Variants in NAV3 observed in about 807,000 individuals in gnomAD.
NAV3 encodes the protein neuron navigator 3.
NAV3 carries 87 observed loss-of-function variants against 244.7 expected under a neutral mutation model. The ratio of observed to expected loss-of-function variants is 0.36; its 90% CI spans 0.30 to 0.42. NAV3 has a LOEUF of 0.42. Among genes scored for constraint, NAV3 ranks in the 20% least tolerant of loss-of-function variants. NAV3 has a pLI of 1.00. For synonymous variants in NAV3, 1,126 were observed against 1,042.2 expected (o/e 1.08, Z -1.55); for missense variants, 2,663 against 2,893.3 (o/e 0.92, Z 1.83).
chr12:78,048,331 T>C (rs1882186220), intron 9 of NAV3, among the ~76,000 whole-genome samples: 1 of 152,238 alleles, frequency 6.6e-6, no homozygotes, highest in South Asian at 2.1e-4. Context: ...TTGCACTGTT[T>C]TTTTTCTCAT....
intron 2 of NAV3, among the ~76,000 whole-genome samples, chr12:77,663,519 C>A (rs1873565534): frequency 7.0e-6 from 1 of 141,874 alleles, no homozygotes; most frequent in Non-Finnish European, 1.5e-5. Context: ...TCTTCTTCTT[C>A]TTCTTTTTTT....
chr12:77,890,402 C>A (rs1883794257), intron 1 of NAV3, among the ~76,000 whole-genome samples: 1 of 152,170 alleles, frequency 6.6e-6, no homozygotes, highest in Admixed American at 6.5e-5. Flanking sequence ...AGGCATGAAC[C>A]ACTGTACCAG....
chr12:77,779,469 C>T (rs926198773), intron 2 of NAV3, among the ~76,000 whole-genome samples: 33 of 152,186 alleles, frequency 2.2e-4, no homozygotes, highest in African/African-American at 7.0e-4. Flanking sequence ...TGTTGTACAA[C>T]TCCATGAAGT....
chr12:77,882,341 A>G (rs1180463888), intron 1 of NAV3, among the ~76,000 whole-genome samples: 2 of 152,096 alleles, frequency 1.3e-5, no homozygotes, highest in African/African-American at 4.8e-5. Context: ...AGGACTCTCT[A>G]TTTCAATAAA....
intron 2 of NAV3, among the ~76,000 whole-genome samples, chr12:77,644,448 T>G (rs144405107): frequency 6.6e-6 from 1 of 151,756 alleles, no homozygotes; most frequent in Non-Finnish European, 1.5e-5. Flanking sequence ...ACAGAAGGAG[T>G]GCACAGAATT....
intron 2 of NAV3, among the ~76,000 whole-genome samples, chr12:77,757,472 T>C (rs1328624768): frequency 6.6e-6 from 1 of 152,228 alleles, no homozygotes; most frequent in East Asian, 1.9e-4. Context: ...CTTAAACATA[T>C]ATTGAGTATA....
At chr12:77,604,236 G>A (rs954672382) in intron 2 of NAV3, among the ~76,000 whole-genome samples, 1 of 152,038 alleles carries the variant, frequency 6.6e-6, no homozygotes, top group Non-Finnish European at 1.5e-5. Context: ...GCAGTTTCAA[G>A]CATTCAGGAC....
At chr12:78,051,246 C>T (rs761614918) in intron 11 of NAV3, 99 bp downstream of exon 11, 43 of 1,352,476 alleles carry the variant, frequency 3.2e-5, no homozygotes, top group South Asian at 4.1e-5. Context: ...CCCAGAAAGT[C>T]ATGAGAACAT....
At chr12:78,179,362 T>C in intron 28 of NAV3, 167 bp from the exon 29 acceptor site, 1 of 628,730 alleles carries the variant, frequency 1.6e-6, no homozygotes, top group East Asian at 3.0e-5. Context: ...AACCTGTGAA[T>C]GCATAACCGT....
intron 2 of NAV3, among the ~76,000 whole-genome samples, chr12:77,602,385 C>T (rs1870475460): frequency 6.6e-6 from 1 of 151,876 alleles, no homozygotes; most frequent in Non-Finnish European, 1.5e-5. Context: ...ATAATGAGTT[C>T]CATTTTAGAT....
intron 1 of NAV3, among the ~76,000 whole-genome samples, chr12:77,893,714 C>G (rs1884233114): frequency 6.6e-6 from 1 of 152,064 alleles, no homozygotes; most frequent in Admixed American, 6.6e-5. Flanking sequence ...AAGAATAATA[C>G]CTTACTCGAA....
chr12:78,193,025 C>T (rs1227704187), intron 34 of NAV3, among the ~76,000 whole-genome samples: 1 of 151,494 alleles, frequency 6.6e-6, no homozygotes, highest in Non-Finnish European at 1.5e-5. Context: ...GATAATGAGG[C>T]ATGAAATAAT....
intron 2 of NAV3, among the ~76,000 whole-genome samples, chr12:77,700,998 G>T (rs1875535737): frequency 6.6e-6 from 1 of 151,250 alleles, no homozygotes; most frequent in Non-Finnish European, 1.5e-5. Context: ...TAATGATGAG[G>T]TTTATTGTCC....
chr12:77,892,609 G>C (rs777430479), intron 1 of NAV3, among the ~76,000 whole-genome samples: 33 of 152,058 alleles, frequency 2.2e-4, no homozygotes, highest in Admixed American at 1.1e-3. Context: ...TCAAGATGGG[G>C]TTTCACGGTG....
intron 12 of NAV3, among the ~76,000 whole-genome samples, chr12:78,062,108 T>C (rs1328018520): frequency 6.6e-6 from 1 of 152,160 alleles, no homozygotes; most frequent in Non-Finnish European, 1.5e-5. Context: ...GTCACATAAG[T>C]AATTACATGT....
In NAV3 at chr12:77,613,821, A is replaced by G. The variant is rs910764165; in HGVS notation, c.72+41555A>G. On this transcript the variant is annotated intron_variant, in intron 2 of 8. Transcript: ENST00000550042. The stretch of plus-strand genomic sequence containing the variant: ...CCGTTTTGTCCGTTAGGAACTTCCA[A>G]GTTTTTCTCTGAAACACCATTTATT... 3.3e-5 allele frequency among the ~76,000 whole-genome samples: 5 copies of G among 152,212 alleles called. No individual in the cohort carries two copies. The East Asian group carries it at 5.8e-4, about 18-fold the overall frequency.
At chr12:78,197,436 G>A in intron 35 of NAV3, 35 bp downstream of exon 35, 3 of 1,467,862 alleles carry the variant, frequency 2.0e-6, no homozygotes, top group South Asian at 1.5e-5. Flanking sequence ...AATGAAATAT[G>A]AAATAATTAT....
intron 1 of NAV3, among the ~76,000 whole-genome samples, chr12:77,904,732 C>T (rs1269041489): frequency 2.0e-5 from 3 of 152,090 alleles, no homozygotes; most frequent in Non-Finnish European, 4.4e-5. Context: ...AAGGACACAG[C>T]AGTATTTATT....
At chr12:78,205,469 A>AT (rs1412641455) in intron 39 of NAV3, among the ~76,000 whole-genome samples, 1 of 151,958 alleles carries the variant, frequency 6.6e-6, no homozygotes, top group Non-Finnish European at 1.5e-5. Flanking sequence ...AGAAAACTCA[A>AT]TTTTTTTCTT....
Sources: gnomAD v4.1 joint callset for allele counts (sites outside exome capture counted in the v4.1 genomes callset) on GRCh38, gnomAD v4.1.1 for gene constraint, MANE v1.5 for transcripts, NCBI Gene and HGNC (gene_info 2026-07-23, HGNC 2026-07-21) for gene names.